Variants in CRACR2A observed in about 807,000 individuals in gnomAD.
CRACR2A encodes the protein calcium release activated channel regulator 2A.
A neutral mutation model predicts 90.5 loss-of-function variants in CRACR2A; 79 were observed. The ratio of observed to expected loss-of-function variants is 0.87; its 90% CI spans 0.73 to 1.05. The LOEUF is 1.05. Among genes scored for constraint, CRACR2A ranks in the 50% least tolerant of loss-of-function variants. CRACR2A has a pLI of 0.00. For missense variants in CRACR2A, 823 were observed against 897.2 expected, an observed-to-expected ratio of 0.92 and a Z score of 1.06; for synonymous variants, 338 against 356.7, an observed-to-expected ratio of 0.95 and a Z score of 0.59.
At chr12:3,677,436 G>A (rs1454811252) in intron 6 of CRACR2A, among the ~76,000 whole-genome samples, 1 of 91,028 alleles carries the variant, frequency 1.1e-5, no homozygotes, top group Non-Finnish European at 2.2e-5. Context: ...GCTCAGTTCT[G>A]CACTGCCTTA....
At chr12:3,719,299 T>C (rs978882220) in intron 2 of CRACR2A, among the ~76,000 whole-genome samples, 1 of 152,228 alleles carries the variant, frequency 6.6e-6, no homozygotes, top group African/African-American at 2.4e-5. Context: ...TCACCGCTGA[T>C]GTCCTAACCT....
intron 2 of CRACR2A, among the ~76,000 whole-genome samples, chr12:3,717,336 G>T (rs780642073): frequency 1.1e-4 from 17 of 152,166 alleles, no homozygotes; most frequent in Admixed American, 6.5e-4. Context: ...CAGGAGTGCT[G>T]CTGGCCACCA....
intron 1 of CRACR2A, among the ~76,000 whole-genome samples, chr12:3,745,137 G>A (rs1433362058): frequency 6.6e-6 from 1 of 152,122 alleles, no homozygotes. Context: ...AAGGCCCTGT[G>A]AGTCAAGATC....
chr12:3,682,563 G>A (rs931201513), intron 4 of CRACR2A, among the ~76,000 whole-genome samples: 1 of 152,140 alleles, frequency 6.6e-6, no homozygotes, highest in African/African-American at 2.4e-5. Flanking sequence ...GCAAGTCAGC[G>A]CTGAGTGCTT....
intron 10 of CRACR2A, among the ~76,000 whole-genome samples, chr12:3,650,214 T>C (rs1353589586): frequency 6.6e-6 from 1 of 152,192 alleles, no homozygotes; most frequent in African/African-American, 2.4e-5. Flanking sequence ...ACCCCATCAG[T>C]ATCATTACTG....
At chr12:3,744,932 T>C (rs986887555) in intron 1 of CRACR2A, among the ~76,000 whole-genome samples, 3 of 152,202 alleles carry the variant, frequency 2.0e-5, no homozygotes, top group Non-Finnish European at 4.4e-5. Context: ...GTTAAAATGA[T>C]ACATTTTATG....
chr12:3,743,816 G>A (rs773307560), intron 1 of CRACR2A, among the ~76,000 whole-genome samples: 2 of 152,114 alleles, frequency 1.3e-5, no homozygotes, highest in South Asian at 2.1e-4. Context: ...CCTAAAGAAA[G>A]TTCAACCCAA....
intron 15 of CRACR2A, among the ~76,000 whole-genome samples, chr12:3,629,908 A>G (rs912845348): frequency 6.6e-6 from 1 of 152,114 alleles, no homozygotes; most frequent in African/African-American, 2.4e-5. Flanking sequence ...CACAAGTCCA[A>G]CGGGATAGAC....
chr12:3,636,985 C>T (rs936009579), intron 14 of CRACR2A, among the ~76,000 whole-genome samples: 2 of 152,252 alleles, frequency 1.3e-5, no homozygotes, highest in Non-Finnish European at 1.5e-5. Context: ...TCGTTCTAAA[C>T]TGTTTCAGAA....
At chr12:3,733,969 C>CATTTTT (rs1946400606) in intron 1 of CRACR2A, among the ~76,000 whole-genome samples, 1 of 68,012 alleles carries the variant, frequency 1.5e-5, no homozygotes, top group African/African-American at 4.3e-5. Flanking sequence ...ACACATTTTG[C>CATTTTT]CTTATTTTTT....
chr12:3,616,569 T>A (rs1471450028), intron 19 of CRACR2A, among the ~76,000 whole-genome samples: 1 of 152,222 alleles, frequency 6.6e-6, no homozygotes, highest in Non-Finnish European at 1.5e-5. Context: ...AACCCATTCT[T>A]GCCTCCAGCT....
chr12:3,712,349 T>C (rs969528232), intron 3 of CRACR2A, among the ~76,000 whole-genome samples: 2 of 152,226 alleles, frequency 1.3e-5, no homozygotes, highest in Non-Finnish European at 2.9e-5. Flanking sequence ...AATTGGCTTA[T>C]GGTTCTGCAA....
chr12:3,724,852 C>A (rs1238058772), intron 2 of CRACR2A, among the ~76,000 whole-genome samples: 2 of 152,148 alleles, frequency 1.3e-5, no homozygotes, highest in South Asian at 4.1e-4. Flanking sequence ...TCACTGGTTC[C>A]CACTGCTATG....
chr12:3,693,690 T>C (rs562494990), intron 4 of CRACR2A, among the ~76,000 whole-genome samples: 2 of 152,350 alleles, frequency 1.3e-5, no homozygotes, highest in East Asian at 3.9e-4. Context: ...GTTAGTCTGA[T>C]GGGCTTCCCT....
At chr12:3,749,584 T>C (rs1946674958) in intron 1 of CRACR2A, among the ~76,000 whole-genome samples, 1 of 152,202 alleles carries the variant, frequency 6.6e-6, no homozygotes, top group South Asian at 2.1e-4. Flanking sequence ...TGCCTTAGGA[T>C]TCTGCTGGTG....
rs1555107845 is a variant in CRACR2A at position 3,643,862 on chromosome 12, T to TATATATTATATATAAATATATATA, written c.1164+732_1164+733insTATATATATTTATATATAATATAT. 3.0e-4 allele frequency among the ~76,000 whole-genome samples: 18 copies of TATATATTATATATAAATATATATA among 60,474 alleles called. No homozygotes were observed. The East Asian group carries it at 3.5e-3, about 12-fold the overall frequency. The allele number at this position is 60,474 out of a possible 152,430, so 39.7% of individuals were successfully genotyped here. The stretch of plus-strand genomic sequence containing the variant: ...TATAATATATATTATATATTTATAT[T>TATATATTATATATAAATATATATA]ATATATATTATATATATTTATATTA... On this transcript the variant is annotated intron_variant, in intron 12 of 19. Transcript: ENST00000440314.
chr12:3,696,367 C>A (rs998788422), intron 4 of CRACR2A, among the ~76,000 whole-genome samples: 3 of 152,180 alleles, frequency 2.0e-5, no homozygotes, highest in African/African-American at 7.2e-5. Flanking sequence ...CTCAGAAATG[C>A]CTTCCTCTCA....
At chr12:3,643,786 TATATTTATATAA>T (rs1427947788) in intron 12 of CRACR2A, among the ~76,000 whole-genome samples, 3 of 116,886 alleles carry the variant, frequency 2.6e-5, no homozygotes, top group African/African-American at 3.4e-5. Context: ...AGTTTATATA[TATATTTATATAA>T]TATATATTAT....
intron 13 of CRACR2A, among the ~76,000 whole-genome samples, chr12:3,641,019 C>T (rs1944557307): frequency 6.6e-6 from 1 of 152,180 alleles, no homozygotes. Flanking sequence ...GTTTAATTAA[C>T]CTTCATAGCC....
Sources: allele counts gnomAD v4.1 joint callset (sites outside exome capture counted in the v4.1 genomes callset), GRCh38; gene constraint gnomAD v4.1.1; transcripts MANE v1.5; gene names NCBI Gene and HGNC (gene_info 2026-07-23, HGNC 2026-07-21).